Variants in HUNK observed in about 807,000 individuals in gnomAD.
HUNK encodes hormonally up-regulated neu tumor-associated kinase.
A neutral mutation model predicts 61.0 loss-of-function variants in HUNK; 21 were observed. The ratio of observed to expected loss-of-function variants is 0.34; its 90% CI spans 0.24 to 0.50. The LOEUF (loss-of-function observed/expected upper bound fraction) is 0.50, where lower values mean the gene tolerates loss of function less well. Among genes scored for constraint, HUNK ranks in the 20% least tolerant of loss-of-function variants. The pLI is 0.98. For synonymous variants in HUNK, 371 were observed against 386.1 expected (o/e 0.96, Z 0.46); for missense variants, 772 against 945.7 (o/e 0.82, Z 2.41).
At chr21:31,902,367 A>G (rs1302377392) in intron 1 of HUNK, among the ~76,000 whole-genome samples, 2 of 152,122 alleles carry the variant, frequency 1.3e-5, no homozygotes, top group African/African-American at 4.8e-5. Flanking sequence ...AAAATTAGCC[A>G]GGCGTGGTGG....
At chr21:31,946,252 T>C (rs932225252) in intron 4 of HUNK, 81 bp downstream of exon 4, 38 of 1,399,962 alleles carry the variant, frequency 2.7e-5, no homozygotes, top group Non-Finnish European at 3.6e-5. Flanking sequence ...GCCTGAGTAT[T>C]GGATGGCATG....
chr21:31,973,315 C>T (rs2053025057), intron 6 of HUNK, among the ~76,000 whole-genome samples: 1 of 152,184 alleles, frequency 6.6e-6, no homozygotes, highest in African/African-American at 2.4e-5. Flanking sequence ...TCTCCCCCTT[C>T]CCCACCACAG....
At chr21:31,932,939 G>A (rs1263287485) in intron 2 of HUNK, among the ~76,000 whole-genome samples, 2 of 140,776 alleles carry the variant, frequency 1.4e-5, no homozygotes, top group African/African-American at 5.5e-5. Context: ...TTGATACAGA[G>A]TCTTGCTCAA....
intron 7 of HUNK, among the ~76,000 whole-genome samples, chr21:31,980,209 C>T (rs1473225848): frequency 1.3e-5 from 2 of 151,528 alleles, no homozygotes; most frequent in South Asian, 2.1e-4. Context: ...GTAGCTGGGA[C>T]TACAGGTGTG....
intron 9 of HUNK, among the ~76,000 whole-genome samples, chr21:31,991,648 G>GGCA (rs2053172841): frequency 6.6e-6 from 1 of 152,238 alleles, no homozygotes; most frequent in Admixed American, 6.5e-5. Flanking sequence ...CATCCCAGGT[G>GGCA]GCAGCAGTCA....
intron 1 of HUNK, among the ~76,000 whole-genome samples, chr21:31,905,932 G>A (rs1190747364): frequency 6.6e-6 from 1 of 152,148 alleles, no homozygotes; most frequent in Non-Finnish European, 1.5e-5. Flanking sequence ...CTGGGGCTGG[G>A]AGGAGCTGTG....
intron 5 of HUNK, among the ~76,000 whole-genome samples, chr21:31,960,010 T>G (rs1568935050): frequency 6.6e-6 from 1 of 152,228 alleles, no homozygotes; most frequent in Non-Finnish European, 1.5e-5. Context: ...ATTTCTGCAC[T>G]GAGAGTCATA....
intron 5 of HUNK, among the ~76,000 whole-genome samples, chr21:31,961,229 C>CT (rs1648461786): frequency 6.8e-6 from 1 of 147,102 alleles, no homozygotes; most frequent in South Asian, 2.1e-4. Flanking sequence ...ATAATCTGAG[C>CT]TGTTTTTTTT....
At chr21:31,989,375 A>G (rs1204683322) in intron 8 of HUNK, among the ~76,000 whole-genome samples, 1 of 152,200 alleles carries the variant, frequency 6.6e-6, no homozygotes, top group Non-Finnish European at 1.5e-5. Flanking sequence ...TTTAAAAAAT[A>G]TAGTTCAGAA....
In HUNK at chr21:31,924,531, C is replaced by T. The variant is rs142458503; in HGVS notation, c.325C>T (p.Arg109Trp). Residue 109 changes from arginine to tryptophan, a missense_variant, in exon 2 of 11, where the codon CGG becomes TGG. Physicochemically the swap from Arg to Trp is moderately radical, Grantham distance 101. Around this residue, in one of 2 missense-constraint regions of HUNK, gnomAD observed 359 missense variants for 501.3 expected, o/e 0.72. Coordinates refer to ENST00000270112, the MANE Select transcript of HUNK (RefSeq NM_014586.2). This position sits in a 1 kb window ranked among gnomAD's most constrained non-coding sequence, Gnocchi z 5.1. The part of the protein sequence containing the change: ...KKDTYVTKNL[R>W]REGQIQQMIR... ...GGACACCTATGTCACCAAAAACCTGCGGCGAGAGGGTCAGATCCAGCAGAT... is the reference window on the plus strand; with the variant it reads ...GGACACCTATGTCACCAAAAACCTGTGGCGAGAGGGTCAGATCCAGCAGAT... The T allele has an allele frequency of 1.9e-6, 3 of 1,614,062 alleles. No individual in the cohort carries two copies. Among genetic ancestry groups the T allele is most frequent in the Middle Eastern group, 3.3e-4 (2 of 6,062 alleles).
intron 1 of HUNK, among the ~76,000 whole-genome samples, chr21:31,875,134 A>ACCGAGCAGGTGGCCTGGGAG (rs1158300544): frequency 1.3e-5 from 2 of 152,178 alleles, no homozygotes; most frequent in Non-Finnish European, 2.9e-5. Context: ...TCACTTCCCA[A>ACCGAGCAGGTGGCCTGGGAG]CCGAGCAGGT....
rs149164170 is a variant in HUNK, at chr21:31,995,344, C to T, written c.1306-424C>T. Among the ~76,000 whole-genome samples the T allele has an allele frequency of 3.0e-3, 464 of 152,268 alleles. 4 individuals carry two copies. The highest frequency in any genetic ancestry group is 0.01 in the African/African-American group (418 of 41,542). On this transcript the variant is annotated intron_variant, in intron 9 of 10. Coordinates refer to ENST00000270112, the MANE Select transcript of HUNK (RefSeq NM_014586.2). ...CTTGGCTTGACTGCCCCAAATAGAA[C>T]CTGATGTGAAGGTGGAAGCAGTTAT...
intron 1 of HUNK, among the ~76,000 whole-genome samples, chr21:31,895,819 C>A (rs73191255): frequency 6.6e-6 from 1 of 152,168 alleles, no homozygotes; most frequent in Non-Finnish European, 1.5e-5. Flanking sequence ...TTACCTTGAA[C>A]CTGACAAGTC....
chr21:31,980,115 A>ACAC (rs2053085101), intron 7 of HUNK, among the ~76,000 whole-genome samples: 1 of 151,984 alleles, frequency 6.6e-6, no homozygotes, highest in Non-Finnish European at 1.5e-5. Flanking sequence ...TCTGTCACCC[A>ACAC]AGCTGGAGTG....
Position 31,958,874 on chromosome 21 carries a change from A to T in HUNK, c.778A>T (p.Thr260Ser). Residue 260 changes from threonine (T) to serine (S), a missense_variant, in exon 5 of 11, where the codon ACG becomes TCG. Thr to Ser is a moderately conservative substitution (Grantham distance 58). Transcript: ENST00000270112. The stretch of plus-strand genomic sequence containing the variant: ...GAACATGTATGCCATGTTGACCGGG[A>T]CGCTGCCTTTCACGGTGGAGCCTTT... The part of the protein sequence containing the change: ...GVNMYAMLTG[T>S]LPFTVEPFSL... 1.2e-6 allele frequency: 2 copies of T among 1,606,020 alleles called. No homozygotes were observed. Among genetic ancestry groups the T allele is most frequent in the Non-Finnish European group, 1.7e-6 (2 of 1,176,416 alleles).
At chr21:31,899,963 C>T (rs1321189966) in intron 1 of HUNK, among the ~76,000 whole-genome samples, 7 of 152,036 alleles carry the variant, frequency 4.6e-5, no homozygotes, top group Admixed American at 6.6e-5. Context: ...TAAATGGAGA[C>T]GGAGTTTCAC....
chr21:31,884,558 C>A (rs2052332081), intron 1 of HUNK, among the ~76,000 whole-genome samples: 1 of 151,636 alleles, frequency 6.6e-6, no homozygotes, highest in Non-Finnish European at 1.5e-5. Flanking sequence ...TGACATTGCA[C>A]TCTAGCCTGG....
In HUNK at chr21:32,001,920, G is replaced by C. The variant is rs2053249002; in HGVS notation, c.*2736G>C. 6.6e-6 allele frequency: 1 copy of C among 152,470 alleles called. No homozygotes were observed. The highest frequency in any genetic ancestry group is 2.1e-4 in the South Asian group (1 of 4,808). 9.4% of individuals were successfully genotyped at this position (152,470 alleles called of 1,614,324 possible). On this transcript the variant is annotated 3_prime_UTR_variant, in exon 11 of 11. Coordinates refer to ENST00000270112, the MANE Select transcript of HUNK (RefSeq NM_014586.2). ...ATGTCCATTTTAATTGTATGATTTGGTCATAAGTAAGGACTATATTTATGT... is the reference window on the plus strand; with the variant it reads ...ATGTCCATTTTAATTGTATGATTTGCTCATAAGTAAGGACTATATTTATGT...
At chr21:31,897,062 TG>T (rs1282494711) in intron 1 of HUNK, among the ~76,000 whole-genome samples, 2 of 152,130 alleles carry the variant, frequency 1.3e-5, no homozygotes, top group Non-Finnish European at 2.9e-5. Flanking sequence ...CTGGGCAACA[TG>T]GGGAGACCCT....
Sources: allele counts gnomAD v4.1 joint callset (sites outside exome capture counted in the v4.1 genomes callset), GRCh38; gene constraint gnomAD v4.1.1; regional missense constraint gnomAD v4.1.1; non-coding constraint Gnocchi (gnomAD v3.1); transcripts MANE v1.5; gene names NCBI Gene and HGNC (gene_info 2026-07-23, HGNC 2026-07-21).